Variants in PCDHGA10 observed in about 807,000 individuals in gnomAD.
PCDHGA10 encodes protocadherin gamma-A10.
PCDHGA10 carries 42 observed loss-of-function variants against 59.5 expected under a neutral mutation model. That is an observed-to-expected ratio of 0.71 (90% CI 0.55 to 0.91). The LOEUF (loss-of-function observed/expected upper bound fraction) is 0.91. Among genes scored for constraint, PCDHGA10 ranks in the 40% least tolerant of loss-of-function variants. PCDHGA10 has a pLI of 0.00. For missense variants in PCDHGA10, 1,111 were observed against 1,198.2 expected (o/e 0.93, Z 1.07); for synonymous variants, 511 against 517.2 (o/e 0.99, Z 0.16).
intron 1 of PCDHGA10, chr5:141,475,916 G>C (rs1396506642): frequency 1.7e-6 from 1 of 595,408 alleles, no homozygotes; most frequent in Non-Finnish European, 2.9e-6. Flanking sequence ...CAATGAAGAC[G>C]CTGGAGATCG....
At chr5:141,426,153 T>C (rs928934950) in intron 1 of PCDHGA10, 12 of 154,130 alleles carry the variant, frequency 7.8e-5, no homozygotes, top group African/African-American at 2.6e-4. Flanking sequence ...CTCCTGCAAA[T>C]CTGATTCCAT....
chr5:141,448,421 A>G (rs1380029405), intron 1 of PCDHGA10, among the ~76,000 whole-genome samples: 1 of 152,132 alleles, frequency 6.6e-6, no homozygotes, highest in Non-Finnish European at 1.5e-5. Flanking sequence ...ACAATATACT[A>G]TGTATATATT....
In PCDHGA10 at chr5:141,493,668, GC is replaced by G. The variant is rs1178535601; in HGVS notation, c.2437-1135del. On this transcript the variant is annotated intron_variant, in intron 1 of 3. Coordinates refer to ENST00000398610, the MANE Select transcript of PCDHGA10 (RefSeq NM_018913.3). This position sits in a 1 kb window ranked among gnomAD's most constrained non-coding sequence, Gnocchi z 4.3. ...CATCCCTGTGCCCTTCTCCATGGCAGCCCCAGAATGGTGCTGGTGACTCCCG... is the reference window on the plus strand; with the variant it reads ...CATCCCTGTGCCCTTCTCCATGGCAGCCCAGAATGGTGCTGGTGACTCCCG... Among the ~76,000 whole-genome samples the G allele has an allele frequency of 6.6e-6, 1 of 152,140 alleles. No individual in the cohort carries two copies. The highest frequency in any genetic ancestry group is 2.4e-5 in the African/African-American group (1 of 41,422).
At chr5:141,422,498 C>G in intron 1 of PCDHGA10, 1 of 1,613,966 alleles carries the variant, frequency 6.2e-7, no homozygotes. Context: ...ATAACGTTGA[C>G]AGCCACAGAC....
At chr5:141,470,236 T>C (rs1232874196) in intron 1 of PCDHGA10, among the ~76,000 whole-genome samples, 1 of 152,210 alleles carries the variant, frequency 6.6e-6, no homozygotes, top group African/African-American at 2.4e-5. Context: ...ACCAAACCCT[T>C]GAATGTCCCA....
intron 2 of PCDHGA10, among the ~76,000 whole-genome samples, chr5:141,496,903 A>G (rs990378360): frequency 1.1e-4 from 16 of 150,744 alleles, no homozygotes; most frequent in Non-Finnish European, 2.4e-4. Flanking sequence ...AAAAAAAAAA[A>G]GGCTGGGCAC....
intron 2 of PCDHGA10, among the ~76,000 whole-genome samples, chr5:141,498,024 A>G (rs1455238086): frequency 6.6e-6 from 1 of 152,200 alleles, no homozygotes; most frequent in East Asian, 1.9e-4. Flanking sequence ...GGAGACAAAT[A>G]TTGACCAAAT....
chr5:141,422,260 G>A, intron 1 of PCDHGA10: 1 of 1,564,392 alleles, frequency 6.4e-7, no homozygotes, highest in South Asian at 1.2e-5. Context: ...GAATGATAAC[G>A]CTCCAGAAAT....
At chr5:141,462,503 A>G (rs1338834436) in intron 1 of PCDHGA10, among the ~76,000 whole-genome samples, 1 of 152,060 alleles carries the variant, frequency 6.6e-6, no homozygotes, top group East Asian at 1.9e-4. Context: ...ATAATTGTCA[A>G]CTAGATCAAG....
chr5:141,509,873 G>C (rs2099878704), intron 3 of PCDHGA10, among the ~76,000 whole-genome samples: 1 of 152,196 alleles, frequency 6.6e-6, no homozygotes, highest in South Asian at 2.1e-4. Flanking sequence ...CAAGCTGCTG[G>C]TGGTGATGGT....
intron 1 of PCDHGA10, among the ~76,000 whole-genome samples, chr5:141,492,435 C>T (rs191116850): frequency 8.5e-5 from 13 of 152,348 alleles, no homozygotes; most frequent in Admixed American, 8.5e-4. Context: ...CTCAGGAGTA[C>T]TCGTAGCTGA....
chr5:141,414,687 T>G lies in PCDHGA10; in HGVS notation c.1512T>G (p.Pro504=). 2 of 1,614,004 alleles carry G rather than the reference T, an allele frequency of 1.2e-6. No individual in the cohort carries two copies. The highest frequency in any genetic ancestry group is 4.5e-5 in the East Asian group (2 of 44,882). The change falls in exon 1 of 4, where the codon CCT becomes CCG. Residue 504 remains proline (P), a synonymous_variant. Coordinates refer to ENST00000398610, the MANE Select transcript of PCDHGA10 (RefSeq NM_018913.3). Reference sequence around the variant, plus strand: ...CTGAAGACACCATCCAGGGGGTACCTCTGTCCTCATACATATCCATCAACT... The same window carrying G: ...CTGAAGACACCATCCAGGGGGTACCGCTGTCCTCATACATATCCATCAACT... ...SLAEDTIQGV[P]LSSYISINSD... is the part of the protein sequence containing the mutation.
intron 1 of PCDHGA10, chr5:141,418,101 G>T: frequency 6.2e-7 from 1 of 1,614,082 alleles, no homozygotes; most frequent in Non-Finnish European, 8.5e-7. Context: ...GACGCGCAGA[G>T]CGGGGACTTA....
chr5:141,421,443 G>A (rs1561793987), intron 1 of PCDHGA10: 4 of 1,614,106 alleles, frequency 2.5e-6, no homozygotes, highest in Non-Finnish European at 2.5e-6. Flanking sequence ...CCAGAGGGAA[G>A]ACACAGCTTT....
chr5:141,433,050 G>A, intron 1 of PCDHGA10: 2 of 1,614,142 alleles, frequency 1.2e-6, no homozygotes, highest in Non-Finnish European at 1.7e-6. Context: ...ACGGACTCGC[G>A]GAAGAGTCAC....
chr5:141,433,256 C>T, intron 1 of PCDHGA10: 2 of 1,385,666 alleles, frequency 1.4e-6, no homozygotes, highest in Non-Finnish European at 2.0e-6. Context: ...TGCAGCGGTA[C>T]GATCATAGCT....
intron 1 of PCDHGA10, among the ~76,000 whole-genome samples, chr5:141,492,559 C>G (rs533830391): frequency 2.0e-5 from 3 of 152,174 alleles, no homozygotes; most frequent in Non-Finnish European, 4.4e-5. Context: ...GCCTGGGGGG[C>G]GGCCTGAGCG....
Position 141,413,527 on chromosome 5 carries a change from G to T in PCDHGA10, c.352G>T (p.Val118Leu), listed in dbSNP as rs768496934. The change falls in exon 1 of 4, where the codon GTG becomes TTG. Residue 118 changes from valine (V) to leucine (L), a missense_variant. Transcript: ENST00000398610. Reference protein sequence around the residue: ...VSFNILVEDRVKLFGIEIEVT... With the variant: ...VSFNILVEDRLKLFGIEIEVT... ...TTTTAATATCCTTGTGGAAGACAGG[G>T]TGAAACTTTTTGGGATAGAAATAGA... 2 of 1,613,820 alleles carry T rather than the reference G, an allele frequency of 1.2e-6. No homozygotes were observed. Among genetic ancestry groups the T allele is most frequent in the African/African-American group, 1.3e-5 (1 of 74,938 alleles).
Position 141,486,058 on chromosome 5 carries a change from G to A in PCDHGA10, c.2437-8749G>A. On this transcript the variant is annotated intron_variant, in intron 1 of 3. Transcript: ENST00000398610. The surrounding 1 kb of genome is among the most constrained non-coding windows in gnomAD (Gnocchi z 5.0). The stretch of plus-strand genomic sequence containing the variant: ...ATCGTGTAAGAAACCTCTTTAGCCT[G>A]CACCCCACTACTGGAAAGCTTACTC... The A allele has an allele frequency of 6.2e-7, 1 of 1,614,122 alleles. No homozygotes were observed. The highest frequency in any genetic ancestry group is 8.5e-7 in the Non-Finnish European group (1 of 1,180,012).
Sources: gnomAD v4.1 joint callset for allele counts (sites outside exome capture counted in the v4.1 genomes callset) on GRCh38, gnomAD v4.1.1 for gene constraint, Gnocchi (gnomAD v3.1) non-coding constraint, MANE v1.5 for transcripts, NCBI Gene and HGNC (gene_info 2026-07-23, HGNC 2026-07-21) for gene names.